CNTN6: variants seen among roughly 807,000 people sequenced by gnomAD.
The protein encoded by CNTN6 is contactin-6.
Under a neutral mutation model 122.8 loss-of-function variants are expected in CNTN6, and 137 were observed. That is an observed-to-expected ratio of 1.12 (90% CI 0.97 to 1.29). The LOEUF (loss-of-function observed/expected upper bound fraction) is 1.29, where lower values mean the gene tolerates loss of function less well. CNTN6 is among the 50% of genes most tolerant of loss of function. CNTN6 has a pLI of 0.00. For synonymous variants in CNTN6, 570 were observed against 426.0 expected (o/e 1.34, Z -4.16); for missense variants, 1,634 against 1,223.4 (o/e 1.34, Z -5.01).
At chr3:1,241,832 G>C (rs536701947) in intron 4 of CNTN6, among the ~76,000 whole-genome samples, 2 of 152,340 alleles carry the variant, frequency 1.3e-5, no homozygotes, top group South Asian at 2.1e-4. Context: ...GGGCCTGGAG[G>C]ACTGATAAAG....
chr3:1,396,643 T>C (rs979334397), intron 20 of CNTN6, among the ~76,000 whole-genome samples: 3 of 152,232 alleles, frequency 2.0e-5, no homozygotes, highest in African/African-American at 7.2e-5. Context: ...CATGTGTTAT[T>C]ATACTCCTCC....
intron 2 of CNTN6, among the ~76,000 whole-genome samples, chr3:1,165,259 T>C (rs1266610173): frequency 6.6e-6 from 1 of 152,168 alleles, no homozygotes; most frequent in East Asian, 1.9e-4. Context: ...CCCATTCTCA[T>C]TACCGCTCAT....
chr3:1,160,365 TATAC>T lies in CNTN6; in HGVS notation c.55+12304_55+12307del, dbSNP rs908161793. Among the ~76,000 whole-genome samples the T allele has an allele frequency of 4.5e-5, 6 of 133,418 alleles. 1 individual carries two copies. The highest frequency in any genetic ancestry group is 8.2e-5 in the Non-Finnish European group (5 of 60,886). The allele number at this position is 133,418 out of a possible 152,430, so 87.5% of individuals were successfully genotyped here. A position where few individuals can be genotyped will look rare whatever the true frequency, so the allele number is the denominator to read the frequency against. ...TACTGTATATATATATATATATATA[TATAC>T]ACACTACCTATATGGTCATTTAGTG... On this transcript the variant is annotated intron_variant, in intron 2 of 22. Coordinates refer to ENST00000446702, the MANE Select transcript of CNTN6 (RefSeq NM_001289080.2).
chr3:1,130,190 T>C (rs1383201547), intron 1 of CNTN6, among the ~76,000 whole-genome samples: 1 of 152,076 alleles, frequency 6.6e-6, no homozygotes, highest in Non-Finnish European at 1.5e-5. Flanking sequence ...ATTGACTTTA[T>C]TTCAAGGCCA....
At chr3:1,331,867 A>C (rs1702339539) in intron 11 of CNTN6, among the ~76,000 whole-genome samples, 2 of 151,906 alleles carry the variant, frequency 1.3e-5, no homozygotes, top group African/African-American at 2.4e-5. Context: ...AATAAGAAAA[A>C]AAAGCAGGAG....
At chr3:1,106,340 A>C (rs2091219991) in intron 1 of CNTN6, among the ~76,000 whole-genome samples, 1 of 152,110 alleles carries the variant, frequency 6.6e-6, no homozygotes. Context: ...TTTAGCTTGC[A>C]TTTACGTTGC....
At chr3:1,109,166 A>G (rs9883736) in intron 1 of CNTN6, among the ~76,000 whole-genome samples, 14,687 of 152,052 alleles carry the variant, frequency 0.097, 2,420 homozygotes, top group African/African-American at 0.34. Context: ...AATAAATTTG[A>G]TATTATGATC....
chr3:1,401,615 T>A (rs1695720150), intron 21 of CNTN6, 70 bp downstream of exon 21: 1 of 1,050,848 alleles, frequency 9.5e-7, no homozygotes, highest in Non-Finnish European at 1.4e-6. Flanking sequence ...GACACCCAAA[T>A]GGAAAACAAA....
intron 2 of CNTN6, among the ~76,000 whole-genome samples, chr3:1,154,834 C>G (rs2092928410): frequency 6.6e-6 from 1 of 152,246 alleles, no homozygotes; most frequent in Non-Finnish European, 1.5e-5. Flanking sequence ...ACGAAACAAT[C>G]TGGCTTCTTC....
chr3:1,289,980 A>G (rs1695042786), intron 5 of CNTN6, among the ~76,000 whole-genome samples: 1 of 148,260 alleles, frequency 6.7e-6, no homozygotes, highest in Non-Finnish European at 1.5e-5. Context: ...GGCGAGTTTT[A>G]TCATTTTTAT....
At chr3:1,232,567 C>A (rs566958692) in intron 4 of CNTN6, among the ~76,000 whole-genome samples, 2 of 152,218 alleles carry the variant, frequency 1.3e-5, no homozygotes, top group African/African-American at 4.8e-5. Flanking sequence ...CACAATAACC[C>A]TCTGAGAGTA....
At chr3:1,167,490 C>G (rs1259227342) in intron 2 of CNTN6, among the ~76,000 whole-genome samples, 1 of 152,150 alleles carries the variant, frequency 6.6e-6, no homozygotes. Context: ...CTAGCAAGCA[C>G]ATATTAAAAT....
chr3:1,272,762 A>G (rs966819253), intron 4 of CNTN6, among the ~76,000 whole-genome samples: 27 of 152,292 alleles, frequency 1.8e-4, no homozygotes, highest in Non-Finnish European at 3.1e-4. Context: ...TGTCAAGTGC[A>G]TCGTCTGATT....
chr3:1,245,641 A>G (rs1247887530), intron 4 of CNTN6, among the ~76,000 whole-genome samples: 1 of 151,640 alleles, frequency 6.6e-6, no homozygotes, highest in Non-Finnish European at 1.5e-5. Flanking sequence ...TAAAAAGCTT[A>G]TTCATGTAAC....
intron 10 of CNTN6, among the ~76,000 whole-genome samples, chr3:1,329,273 TATC>T (rs943044357): frequency 4.6e-5 from 7 of 151,552 alleles, no homozygotes; most frequent in Admixed American, 3.3e-4. Flanking sequence ...GTTTCTGATT[TATC>T]ATATGTATGT....
At chr3:1,177,181 AAAG>A (rs2093466925) in intron 2 of CNTN6, among the ~76,000 whole-genome samples, 2 of 152,194 alleles carry the variant, frequency 1.3e-5, no homozygotes, top group Admixed American at 1.3e-4. Context: ...GTTCTAATTA[AAAG>A]AAGCGAGAGA....
At chr3:1,302,353 C>G (rs1697578228) in intron 7 of CNTN6, among the ~76,000 whole-genome samples, 1 of 152,068 alleles carries the variant, frequency 6.6e-6, no homozygotes, top group Non-Finnish European at 1.5e-5. Context: ...AACCTCAAAA[C>G]TGAGAAAAGC....
chr3:1,352,241 A>G, intron 11 of CNTN6, 83 bp from the exon 12 acceptor site: 1 of 1,254,678 alleles, frequency 8.0e-7, no homozygotes, highest in South Asian at 1.9e-5. Flanking sequence ...TGATTTTAGT[A>G]AAGTTTTAAA....
intron 2 of CNTN6, among the ~76,000 whole-genome samples, chr3:1,152,939 G>A (rs1318775346): frequency 2.6e-5 from 4 of 152,214 alleles, no homozygotes; most frequent in Admixed American, 2.0e-4. Flanking sequence ...CAAGGAGTGT[G>A]ATTTTCCTGA....
Sources: gnomAD v4.1 joint callset for allele counts (sites outside exome capture counted in the v4.1 genomes callset) on GRCh38, gnomAD v4.1.1 for gene constraint, MANE v1.5 for transcripts, NCBI Gene and HGNC (gene_info 2026-07-23, HGNC 2026-07-21) for gene names.